The following EPM2A variants were observed in gnomAD, a reference collection of about 807,000 sequenced individuals.
EPM2A encodes EPM2A glucan phosphatase, laforin.
In EPM2A, 21 loss-of-function variants were observed where a neutral mutation model predicts 26.5. That is an observed-to-expected ratio of 0.79 (90% confidence interval 0.56 to 1.14). The LOEUF is 1.14. Ranked by LOEUF, EPM2A falls within the 50% of genes most tolerant of loss-of-function variation. EPM2A has a pLI of 0.00. For synonymous variants in EPM2A, 217 were observed against 177.6 expected, an observed-to-expected ratio of 1.22 and a Z score of -1.76; for missense variants, 458 against 440.8, an observed-to-expected ratio of 1.04 and a Z score of -0.35.
chr6:145,430,279 C>G (rs1355340529), intron 4 of EPM2A, among the ~76,000 whole-genome samples: 1 of 152,062 alleles, frequency 6.6e-6, no homozygotes, highest in African/African-American at 2.4e-5. Flanking sequence ...TTGTTATCAA[C>G]ATATTTCATG....
chr6:145,393,947 C>T (rs992046741), intron 4 of EPM2A, among the ~76,000 whole-genome samples: 2 of 151,902 alleles, frequency 1.3e-5, no homozygotes, highest in Non-Finnish European at 2.9e-5. Flanking sequence ...CCTCAGCCTC[C>T]CAAGCAGCTG....
Position 145,644,660 on chromosome 6 carries a change from G to A in EPM2A, c.477-9174C>T, listed in dbSNP as rs374061080. Among the ~76,000 whole-genome samples the A allele has an allele frequency of 1.1e-4, 17 of 151,974 alleles. No individual in the cohort carries two copies. The East Asian group carries it at 2.9e-3, about 26-fold the overall frequency. On this transcript the variant is annotated intron_variant, in intron 2 of 3. Transcript: ENST00000367519. ...GAGTAATTAGGATGGCAGGAACAGA[G>A]GATAAATATTATATTTTTAATTAAA...
rs1775771558 is a variant in EPM2A, at chr6:145,625,823, C to T, written c.*1593G>A. ...CTTACCTTGTATCCTTCTTGTCCCC[C>T]ACGCCTTCTAAATAAGAGTCTCTTG... On this transcript the variant is annotated 3_prime_UTR_variant, in exon 4 of 4. Coordinates refer to ENST00000367519, the MANE Select transcript of EPM2A (RefSeq NM_005670.4). The T allele has an allele frequency of 6.5e-7, 1 of 1,549,684 alleles. No homozygotes were observed. Among genetic ancestry groups the T allele is most frequent in the Non-Finnish European group, 8.7e-7 (1 of 1,143,508 alleles).
downstream of EPM2A, among the ~76,000 whole-genome samples, chr6:145,624,161 C>T (rs1169437202): frequency 1.3e-5 from 2 of 152,112 alleles, no homozygotes; most frequent in African/African-American, 4.8e-5. Flanking sequence ...ACACCTATGC[C>T]ATGATTTGAT....
intron 4 of EPM2A, among the ~76,000 whole-genome samples, chr6:145,445,445 A>G (rs1160116790): frequency 2.0e-5 from 3 of 152,216 alleles, no homozygotes; most frequent in Non-Finnish European, 4.4e-5. Flanking sequence ...AATAAGGTCT[A>G]TTCTGTTTTA....
At chr6:145,698,473 G>T (rs904999508) in intron 1 of EPM2A, among the ~76,000 whole-genome samples, 1 of 152,012 alleles carries the variant, frequency 6.6e-6, no homozygotes, top group Non-Finnish European at 1.5e-5. Context: ...TTCCAGCTAA[G>T]AATTTTAAGG....
intron 4 of EPM2A, among the ~76,000 whole-genome samples, chr6:145,466,787 T>C (rs1779402295): frequency 6.6e-6 from 1 of 152,164 alleles, no homozygotes; most frequent in South Asian, 2.1e-4. Flanking sequence ...ATGTGGCATA[T>C]ATACACCATG....
intron 2 of EPM2A, among the ~76,000 whole-genome samples, chr6:145,557,096 A>C (rs1456276877): frequency 6.6e-6 from 1 of 152,128 alleles, no homozygotes; most frequent in East Asian, 1.9e-4. Context: ...ATACACACAA[A>C]AGATCTCTAA....
intron 2 of EPM2A, among the ~76,000 whole-genome samples, chr6:145,532,603 T>C (rs182438721): frequency 6.6e-6 from 1 of 152,290 alleles, no homozygotes; most frequent in African/African-American, 2.4e-5. Flanking sequence ...GTCAGGGCCG[T>C]GGCTGCAACT....
chr6:145,667,595 A>G (rs1165038325), intron 2 of EPM2A, among the ~76,000 whole-genome samples: 1 of 151,416 alleles, frequency 6.6e-6, no homozygotes, highest in East Asian at 1.9e-4. Flanking sequence ...CCCTTGTGGA[A>G]GTCAGTGTGG....
At chr6:145,707,822 T>C (rs1782310362) in intron 1 of EPM2A, among the ~76,000 whole-genome samples, 1 of 152,192 alleles carries the variant, frequency 6.6e-6, no homozygotes, top group Admixed American at 6.5e-5. Flanking sequence ...GGGGTGCTGC[T>C]ATAAAGATAC....
chr6:145,484,111 T>A (rs867423216), intron 4 of EPM2A, among the ~76,000 whole-genome samples: 53 of 152,232 alleles, frequency 3.5e-4, no homozygotes, highest in Middle Eastern at 6.8e-3. Flanking sequence ...ATGTCCCTGA[T>A]CAGAAACAGC....
intron 4 of EPM2A, among the ~76,000 whole-genome samples, chr6:145,395,906 T>C (rs1044670276): frequency 8.5e-5 from 13 of 152,268 alleles, no homozygotes; most frequent in Admixed American, 8.5e-4. Context: ...CTCGGCCAGG[T>C]GCCTAATCTG....
In EPM2A at chr6:145,686,215, T is replaced by C. The variant is rs2128614328; in HGVS notation, c.383A>G (p.His128Arg). ...VDGVYCLPIGHWIEATGHTNE... is the reference protein window; with the variant it reads ...VDGVYCLPIGRWIEATGHTNE... ...GGTGTGCCCAGTGGCCTCAATCCAG[T>C]GTCCTATTGGGAGACAATACACACC... The change falls in exon 2 of 4, where the codon CAC becomes CGC. Residue 128 changes from histidine (H) to arginine (R), a missense_variant. Physicochemically the swap from His to Arg is conservative, Grantham distance 29 (BLOSUM62 0). Coordinates refer to ENST00000367519, the MANE Select transcript of EPM2A (RefSeq NM_005670.4). The C allele has an allele frequency of 1.2e-6, 2 of 1,613,810 alleles. No homozygotes were observed. The highest frequency in any genetic ancestry group is 1.7e-6 in the Non-Finnish European group (2 of 1,179,710).
At position 145,391,980 on chromosome 6, in the gene EPM2A, G is replaced by A. The variant is rs777871477; in HGVS notation, c.556-7883C>T. Among the ~76,000 whole-genome samples, 156 of 152,024 alleles carry A rather than the reference G, an allele frequency of 1.0e-3. 4 individuals are homozygous for A. Among genetic ancestry groups the A allele is most frequent in the Non-Finnish European group, 2.5e-4 (17 of 68,036 alleles). Reference sequence around the variant, plus strand: ...TGGGGTCCTCAAAGGGACACCTTTGGTAAATGCTGTTATGGGGAACCTGGG... The same window carrying A: ...TGGGGTCCTCAAAGGGACACCTTTGATAAATGCTGTTATGGGGAACCTGGG... On this transcript the variant is annotated intron_variant, in intron 4 of 4. Transcript: ENST00000638717.
chr6:145,670,374 C>G (rs944780448), intron 2 of EPM2A: 10 of 152,148 alleles, frequency 6.6e-5, no homozygotes, highest in African/African-American at 2.2e-4. Flanking sequence ...TATGATACAA[C>G]CTGAGATCTA....
chr6:145,477,050 C>T (rs1779551893), intron 4 of EPM2A, among the ~76,000 whole-genome samples: 1 of 151,220 alleles, frequency 6.6e-6, no homozygotes, highest in South Asian at 2.1e-4. Context: ...AACTTTCAGC[C>T]AGACTAAGAA....
rs375400866 is a variant in EPM2A at position 145,627,244 on chromosome 6, T to C, written c.*172A>G. 2,882 of 1,510,360 alleles carry C rather than the reference T, an allele frequency of 1.9e-3. 7 individuals carry two copies. The highest frequency in any genetic ancestry group is 2.0e-3 in the Non-Finnish European group (2,287 of 1,141,332). The allele number at this position is 1,510,360 out of a possible 1,614,324, so 93.6% of individuals were successfully genotyped here. A position where few individuals can be genotyped will look rare whatever the true frequency, so the allele number is the denominator to read the frequency against. The stretch of plus-strand genomic sequence containing the variant: ...GCTTTCTTGTAGAGTATTTCAAAAA[T>C]ACAGCCCCAAAACAAAGCATAATCG... On this transcript the variant is annotated 3_prime_UTR_variant, in exon 4 of 4. Coordinates refer to ENST00000367519, the MANE Select transcript of EPM2A (RefSeq NM_005670.4).
At chr6:145,696,805 G>GTGTGTGTGTT (rs1554264388) in intron 1 of EPM2A, among the ~76,000 whole-genome samples, 5 of 151,020 alleles carry the variant, frequency 3.3e-5, no homozygotes, top group African/African-American at 9.7e-5. Context: ...GTGTGTGTGT[G>GTGTGTGTGTT]TGTGTGTGTG....
Sources: gnomAD v4.1 joint callset for allele counts (sites outside exome capture counted in the v4.1 genomes callset) on GRCh38, gnomAD v4.1.1 for gene constraint, MANE v1.5 for transcripts, NCBI Gene and HGNC (gene_info 2026-07-23, HGNC 2026-07-21) for gene names.